Variants in RPH3A observed in about 807,000 individuals in gnomAD.
RPH3A encodes rabphilin-3A.
A neutral mutation model predicts 102.2 loss-of-function variants in RPH3A; 48 were observed. The ratio of observed to expected loss-of-function variants is 0.47; its 90% CI spans 0.37 to 0.60. The LOEUF is 0.60. Ranked by LOEUF, RPH3A falls within the 20% of genes least tolerant of loss-of-function variation. The pLI, the probability that RPH3A is intolerant of heterozygous loss-of-function variation, is 0.00. For missense variants in RPH3A, 781 were observed against 910.1 expected, an observed-to-expected ratio of 0.86 and a Z score of 1.83; for synonymous variants, 310 against 324.3, an observed-to-expected ratio of 0.96 and a Z score of 0.47.
chr12:112,598,533 C>G (rs1289260390), intron 1 of RPH3A, among the ~76,000 whole-genome samples: 1 of 152,144 alleles, frequency 6.6e-6, no homozygotes, highest in Non-Finnish European at 1.5e-5. Context: ...TGAGTCTAGA[C>G]AGACCACCGC....
intron 1 of RPH3A, among the ~76,000 whole-genome samples, chr12:112,676,743 A>C (rs1381240521): frequency 6.6e-6 from 1 of 152,178 alleles, no homozygotes; most frequent in Non-Finnish European, 1.5e-5. Flanking sequence ...CTCTTAGAGC[A>C]CACCGTAGGC....
At chr12:112,712,895 T>TTCTTCTTCTTCTTCC (rs1565856672) in intron 1 of RPH3A, among the ~76,000 whole-genome samples, 44 of 132,564 alleles carry the variant, frequency 3.3e-4, no homozygotes, top group African/African-American at 1.3e-3. Context: ...CTTCTTCTTC[T>TTCTTCTTCTTCTTCC]TCTTCTTCCT....
At chr12:112,595,685 C>T (rs2039511443) in intron 1 of RPH3A, among the ~76,000 whole-genome samples, 1 of 152,106 alleles carries the variant, frequency 6.6e-6, no homozygotes, top group Non-Finnish European at 1.5e-5. Context: ...TCCAGACCAG[C>T]TTGGGTGTTT....
intron 1 of RPH3A, among the ~76,000 whole-genome samples, chr12:112,620,156 C>G (rs753998394): frequency 1.3e-5 from 2 of 152,176 alleles, no homozygotes; most frequent in African/African-American, 4.8e-5. Context: ...AATAATGTTT[C>G]CCAGTAGTTC....
At chr12:112,651,084 G>T (rs942107151) in intron 1 of RPH3A, among the ~76,000 whole-genome samples, 22 of 151,872 alleles carry the variant, frequency 1.4e-4, no homozygotes, top group African/African-American at 5.1e-4. Flanking sequence ...TTCAAGGCTG[G>T]TGTGGTGACT....
intron 1 of RPH3A, among the ~76,000 whole-genome samples, chr12:112,768,726 A>AAT (rs2040908302): frequency 6.6e-6 from 1 of 152,112 alleles, no homozygotes; most frequent in Non-Finnish European, 1.5e-5. Context: ...CAGCCTGGGA[A>AAT]ACTTAGCAAG....
chr12:112,619,482 CGTGT>C (rs1335909399), intron 1 of RPH3A, among the ~76,000 whole-genome samples: 10 of 152,022 alleles, frequency 6.6e-5, no homozygotes, highest in Non-Finnish European at 1.5e-4. Context: ...GGGGTTTCAC[CGTGT>C]TGGCCAGGCT....
At chr12:112,760,982 A>G (rs2136066642) in intron 1 of RPH3A, among the ~76,000 whole-genome samples, 1 of 152,264 alleles carries the variant, frequency 6.6e-6, no homozygotes, top group African/African-American at 2.4e-5. Context: ...GCCATCCTTG[A>G]GGTTAAAGTT....
intron 1 of RPH3A, among the ~76,000 whole-genome samples, chr12:112,594,865 G>A (rs963179902): frequency 1.3e-4 from 20 of 152,162 alleles, no homozygotes; most frequent in African/African-American, 3.9e-4. Flanking sequence ...TTGAGCACTC[G>A]CTATATTCCA....
chr12:112,765,681 T>G (rs1236343615), intron 1 of RPH3A, among the ~76,000 whole-genome samples: 1 of 152,170 alleles, frequency 6.6e-6, no homozygotes, highest in Non-Finnish European at 1.5e-5. Flanking sequence ...TTCATGCAAT[T>G]TTCCATATAA....
chr12:112,806,452 C>T (rs1307846298), intron 2 of RPH3A, among the ~76,000 whole-genome samples: 4 of 152,060 alleles, frequency 2.6e-5, no homozygotes, highest in Admixed American at 1.3e-4. Flanking sequence ...TTGGCCAACA[C>T]GGTGAAACTC....
chr12:112,650,439 C>A lies in RPH3A; in HGVS notation c.-140+75120C>A, dbSNP rs369870386. On this transcript the variant is annotated intron_variant, in intron 1 of 21. Transcript: ENST00000543106. The stretch of plus-strand genomic sequence containing the variant: ...TTTAGAATTTTCTACAAATCTTCCT[C>A]TTTTCATTGAACTAAGGCTTCCTTA... Among the ~76,000 whole-genome samples, 3 of 152,290 alleles carry A rather than the reference C, an allele frequency of 2.0e-5. No homozygotes were observed. In the East Asian group the frequency reaches 5.8e-4, roughly 29 times the overall value.
chr12:112,804,537 A>C (rs2041420438), intron 2 of RPH3A, among the ~76,000 whole-genome samples: 1 of 152,210 alleles, frequency 6.6e-6, no homozygotes, highest in African/African-American at 2.4e-5. Context: ...CCTGGGATGT[A>C]TGTGTGCACC....
intron 1 of RPH3A, among the ~76,000 whole-genome samples, chr12:112,711,660 C>T (rs1162391375): frequency 1.3e-5 from 2 of 152,164 alleles, no homozygotes; most frequent in Non-Finnish European, 2.9e-5. Context: ...CTTCACTGGA[C>T]TTCAGGTTGT....
At chr12:112,816,491 A>G (rs2041673387) in intron 2 of RPH3A, among the ~76,000 whole-genome samples, 1 of 152,156 alleles carries the variant, frequency 6.6e-6, no homozygotes. Context: ...CTTCATATGT[A>G]CATGATTGTC....
chr12:112,581,335 G>A (rs976653358), intron 1 of RPH3A, among the ~76,000 whole-genome samples: 2 of 152,078 alleles, frequency 1.3e-5, no homozygotes, highest in East Asian at 1.9e-4. Context: ...GACCTCGTGA[G>A]GCTTATTCAC....
At position 112,607,466 on chromosome 12, in the gene RPH3A, T is replaced by C. The variant is rs983468143; in HGVS notation, c.-140+32147T>C. Among the ~76,000 whole-genome samples, 6 of 152,188 alleles carry C rather than the reference T, an allele frequency of 3.9e-5. No individual in the cohort carries two copies. In the South Asian group the frequency reaches 1.2e-3, roughly 32 times the overall value. ...TTCCTTTGCAATCTAAAAGGGCATA[T>C]TAAAAATTGAGCAATGATTTCTTTC... On this transcript the variant is annotated intron_variant, in intron 1 of 21. Transcript: ENST00000543106.
At chr12:112,875,877 C>T (rs1004181446) in intron 12 of RPH3A, 136 bp downstream of exon 12, 38 of 646,016 alleles carry the variant, frequency 5.9e-5, no homozygotes, top group African/African-American at 9.3e-5. Context: ...ACAGCTCCCC[C>T]GAGTCTAAAA....
intron 2 of RPH3A, among the ~76,000 whole-genome samples, chr12:112,807,868 C>A (rs1178968153): frequency 6.6e-6 from 1 of 152,148 alleles, no homozygotes; most frequent in Non-Finnish European, 1.5e-5. Context: ...TCCTCCCTGG[C>A]ACTTGGCACC....
Sources: gnomAD v4.1 joint callset for allele counts (sites outside exome capture counted in the v4.1 genomes callset) on GRCh38, gnomAD v4.1.1 for gene constraint, MANE v1.5 for transcripts, NCBI Gene and HGNC (gene_info 2026-07-23, HGNC 2026-07-21) for gene names.